TGFBR3: variants seen among roughly 807,000 people sequenced by gnomAD.
The protein encoded by TGFBR3 is transforming growth factor beta receptor 3.
In TGFBR3, 46 loss-of-function variants were observed where a neutral mutation model predicts 87.9. The observed-to-expected ratio is 0.52, with a 90% CI of 0.41 to 0.67. TGFBR3 has a LOEUF of 0.67. Among genes scored for constraint, TGFBR3 ranks in the 30% least tolerant of loss-of-function variants. TGFBR3 has a pLI of 0.00. For missense variants in TGFBR3, 866 were observed against 1,041.9 expected, an observed-to-expected ratio of 0.83 and a Z score of 2.32; for synonymous variants, 381 against 391.6, an observed-to-expected ratio of 0.97 and a Z score of 0.32.
intron 7 of TGFBR3, among the ~76,000 whole-genome samples, chr1:91,726,633 G>C (rs1672558343): frequency 1.3e-5 from 2 of 151,776 alleles, no homozygotes; most frequent in South Asian, 4.1e-4. Context: ...ACATGACGTT[G>C]CCAAGGGAAC....
In TGFBR3 at chr1:91,734,818, C is replaced by T; in HGVS notation, c.526G>A (p.Glu176Lys). ...KEYGAVTSFTELKIARNIYIK... is the reference protein window; with the variant it reads ...KEYGAVTSFTKLKIARNIYIK... ...TAAATGTTTCTTGCTATCTTGAGTT[C>T]GGTGAATGAAGTAACTGCTCCATAC... Residue 176 changes from glutamate (E) to lysine (K), a missense_variant, in exon 5 of 17, where the codon GAA (glutamate) becomes AAA (lysine). Physicochemically the swap from Glu to Lys is moderately conservative, Grantham distance 56. Coordinates refer to ENST00000212355, the MANE Select transcript of TGFBR3 (RefSeq NM_003243.5). The T allele has an allele frequency of 2.5e-6, 4 of 1,614,162 alleles. No individual in the cohort carries two copies. The highest frequency in any genetic ancestry group is 3.4e-6 in the Non-Finnish European group (4 of 1,180,014).
chr1:91,886,711 CTTG>C (rs1179637551), upstream of TGFBR3, among the ~76,000 whole-genome samples: 1 of 152,180 alleles, frequency 6.6e-6, no homozygotes, highest in East Asian at 1.9e-4. Context: ...TCCGGTCCCG[CTTG>C]TTGTCACGCT....
rs1046105244 is a variant in TGFBR3, at chr1:91,767,426, A to G, written c.247-8676T>C. On this transcript the variant is annotated intron_variant, in intron 3 of 16. Coordinates refer to ENST00000212355, the MANE Select transcript of TGFBR3 (RefSeq NM_003243.5). ...GAACATTCAAAAACACCGCACTTGG[A>G]TTATTGTTAAAAATCATGGTGGCAG... is the stretch of plus-strand genomic sequence containing the variant. 3.0e-5 allele frequency among the ~76,000 whole-genome samples: 4 copies of G among 133,332 alleles called. 2 individuals carry two copies. The highest frequency in any genetic ancestry group is 1.1e-4 in the African/African-American group (4 of 35,450). The allele number at this position is 133,332 out of a possible 152,430, so 87.5% of individuals were successfully genotyped here.
At position 91,883,381 on chromosome 1, in the gene TGFBR3, T is replaced by G. The variant is rs140576010; in HGVS notation, c.-114+2497A>C. Among the ~76,000 whole-genome samples, 30 of 152,330 alleles carry G rather than the reference T, an allele frequency of 2.0e-4. No individual in the cohort carries two copies. The East Asian group carries it at 5.6e-3, about 28-fold the overall frequency. ...TATCTGTCCAGCCACCATGGAGTTC[T>G]TGACATATATTCAACATACAGGCCC... On this transcript the variant is annotated intron_variant, in intron 1 of 16. Transcript: ENST00000212355.
chr1:91,795,806 G>A (rs2101002050), intron 3 of TGFBR3, among the ~76,000 whole-genome samples: 1 of 152,280 alleles, frequency 6.6e-6, no homozygotes, highest in South Asian at 2.1e-4. Flanking sequence ...AATCTGACCT[G>A]AAATATGAGT....
intron 2 of TGFBR3, among the ~76,000 whole-genome samples, chr1:91,845,507 C>A (rs2101127253): frequency 6.6e-6 from 1 of 152,342 alleles, no homozygotes; most frequent in African/African-American, 2.4e-5. Flanking sequence ...GAAACTGGCA[C>A]TTGGCTCCAA....
At chr1:91,849,489 T>C (rs1677634411) in intron 2 of TGFBR3, among the ~76,000 whole-genome samples, 1 of 152,138 alleles carries the variant, frequency 6.6e-6, no homozygotes, top group Non-Finnish European at 1.5e-5. Context: ...GCTCACCTCC[T>C]CCAAACCTTT....
At chr1:91,762,350 T>C (rs1674000810) in intron 3 of TGFBR3, among the ~76,000 whole-genome samples, 1 of 152,130 alleles carries the variant, frequency 6.6e-6, no homozygotes, top group Admixed American at 6.6e-5. Context: ...TAGGCACCCA[T>C]TAACCCAGAT....
intron 1 of TGFBR3, among the ~76,000 whole-genome samples, chr1:91,875,784 CG>C (rs1192137391): frequency 8.4e-4 from 4 of 4,754 alleles, no homozygotes; most frequent in Middle Eastern, 0.17. Context: ...GCTACTCGGG[CG>C]GGGGGGGGGG....
At position 91,861,025 on chromosome 1, in the gene TGFBR3, G is replaced by C. The variant is rs567162543; in HGVS notation, c.61+446C>G. Reference sequence around the variant, plus strand: ...ATACCTCCCAAGCAGCCTATGTCAAGAGTGTCACCTCAATCTAGAAGATCT... The same window carrying C: ...ATACCTCCCAAGCAGCCTATGTCAACAGTGTCACCTCAATCTAGAAGATCT... On this transcript the variant is annotated intron_variant, in intron 2 of 16. Coordinates refer to ENST00000212355, the MANE Select transcript of TGFBR3 (RefSeq NM_003243.5). 1.9e-3 allele frequency among the ~76,000 whole-genome samples: 281 copies of C among 148,324 alleles called. 1 individual carries two copies. The highest frequency in any genetic ancestry group is 6.8e-3 in the African/African-American group (274 of 40,318).
chr1:91,898,322 G>C (rs12725483), intron 2 of TGFBR3, among the ~76,000 whole-genome samples: 2 of 152,116 alleles, frequency 1.3e-5, no homozygotes, highest in Admixed American at 6.5e-5. Flanking sequence ...GTCCATTTAA[G>C]AATGTTCCAT....
intron 2 of TGFBR3, among the ~76,000 whole-genome samples, chr1:91,837,324 C>A (rs1677101354): frequency 6.6e-6 from 1 of 152,132 alleles, no homozygotes; most frequent in Admixed American, 6.6e-5. Context: ...CGGCTCACTG[C>A]AGCCTCCACC....
chr1:91,695,628 G>T, intron 16 of TGFBR3, 44 bp downstream of exon 16: 1 of 1,461,000 alleles, frequency 6.8e-7, no homozygotes, highest in South Asian at 1.1e-5. Flanking sequence ...TGTGTGGCAG[G>T]AACACAAGCT....
rs755370456 is a variant in TGFBR3, at chr1:91,758,634, A to G, written c.363T>C (p.Thr121=). 6.2e-7 allele frequency: 1 copy of G among 1,614,024 alleles called. No homozygotes were observed. Among genetic ancestry groups the G allele is most frequent in the South Asian group, 1.1e-5 (1 of 91,080 alleles). ...TTACCAAAAACAGTCTGGAGACCCCAGTGGCAAGTCTCTCTGTCTTCAGAT... is the reference window on the plus strand; with the variant it reads ...TTACCAAAAACAGTCTGGAGACCCCGGTGGCAAGTCTCTCTGTCTTCAGAT... The part of the protein sequence containing the change: ...VWHLKTERLA[T]GVSRLFLVSE... The change falls in exon 4 of 17, where the codon ACT becomes ACC. Residue 121 remains threonine (T), a synonymous_variant. Transcript: ENST00000212355.
chr1:91,799,914 G>A (rs921825018), intron 2 of TGFBR3, among the ~76,000 whole-genome samples: 1 of 152,130 alleles, frequency 6.6e-6, no homozygotes, highest in Non-Finnish European at 1.5e-5. Context: ...CTGAAGATGT[G>A]CACTTCTTGC....
chr1:91,886,213 C>T (rs1214332917), upstream of TGFBR3: 3 of 452,146 alleles, frequency 6.6e-6, no homozygotes, highest in Non-Finnish European at 1.3e-5. Context: ...CGGGGACGGG[C>T]AGGACGCCAC....
intron 14 of TGFBR3, among the ~76,000 whole-genome samples, chr1:91,705,808 C>T (rs1236381031): frequency 1.3e-5 from 2 of 152,188 alleles, no homozygotes; most frequent in African/African-American, 4.8e-5. Flanking sequence ...ACATGCTTCT[C>T]AACTAAAATC....
At chr1:91,841,449 C>A (rs1306190565) in intron 2 of TGFBR3, among the ~76,000 whole-genome samples, 1 of 152,112 alleles carries the variant, frequency 6.6e-6, no homozygotes, top group Non-Finnish European at 1.5e-5. Flanking sequence ...CAGTTTTATC[C>A]AATATTGCTC....
intron 3 of TGFBR3, among the ~76,000 whole-genome samples, chr1:91,768,285 T>TA (rs1157912048): frequency 2.6e-5 from 4 of 152,326 alleles, no homozygotes; most frequent in Non-Finnish European, 4.4e-5. Context: ...ACCCATCTCT[T>TA]ACAGCATCCA....
Sources: allele counts gnomAD v4.1 joint callset (sites outside exome capture counted in the v4.1 genomes callset), GRCh38; gene constraint gnomAD v4.1.1; transcripts MANE v1.5; gene names NCBI Gene and HGNC (gene_info 2026-07-23, HGNC 2026-07-21).